Variants in SRPK2 observed in about 807,000 individuals in gnomAD.
SRPK2 encodes SRSF protein kinase 2.
SRPK2 carries 21 observed loss-of-function variants against 90.8 expected under a neutral mutation model. That is an observed-to-expected ratio of 0.23 (90% CI 0.16 to 0.33). The LOEUF is 0.33. Among genes scored for constraint, SRPK2 ranks in the 10% least tolerant of loss-of-function variants. The pLI, the probability that SRPK2 is intolerant of heterozygous loss-of-function variation, is 1.00. For synonymous variants in SRPK2, 288 were observed against 311.1 expected, an observed-to-expected ratio of 0.93 and a Z score of 0.78; for missense variants, 620 against 869.0, an observed-to-expected ratio of 0.71 and a Z score of 3.60.
chr7:105,198,242 GT>G (rs1489493775), intron 3 of SRPK2, among the ~76,000 whole-genome samples: 1 of 152,154 alleles, frequency 6.6e-6, no homozygotes, highest in African/African-American at 2.4e-5. Context: ...GGGGTTTACA[GT>G]GCAGCCTAGG....
intron 2 of SRPK2, among the ~76,000 whole-genome samples, chr7:105,312,643 C>T (rs558008468): frequency 6.6e-6 from 1 of 152,104 alleles, no homozygotes; most frequent in Non-Finnish European, 1.5e-5. Flanking sequence ...TAATAAAACC[C>T]AAACATTCCT....
intron 2 of SRPK2, among the ~76,000 whole-genome samples, chr7:105,249,320 T>A (rs1189022718): frequency 6.6e-6 from 1 of 152,188 alleles, no homozygotes; most frequent in Non-Finnish European, 1.5e-5. Context: ...AAAGTGAGAA[T>A]AAAGCCATCT....
intron 6 of SRPK2, among the ~76,000 whole-genome samples, chr7:105,162,412 T>C (rs186368109): frequency 1.4e-4 from 22 of 152,298 alleles, no homozygotes; most frequent in Middle Eastern, 3.4e-3. Flanking sequence ...TCATTATATA[T>C]TCATGTCATT....
intron 2 of SRPK2, among the ~76,000 whole-genome samples, chr7:105,211,004 A>G (rs1429472611): frequency 1.3e-5 from 2 of 152,240 alleles, no homozygotes; most frequent in Non-Finnish European, 2.9e-5. Context: ...TCTGAAGCTC[A>G]GATGAGAGCT....
At chr7:105,185,899 C>A in intron 3 of SRPK2, among the ~76,000 whole-genome samples, 1 of 152,026 alleles carries the variant, frequency 6.6e-6, no homozygotes. Context: ...CCATGCCAGA[C>A]AAAAAGAGAA....
chr7:105,169,015 G>T, intron 4 of SRPK2, 142 bp downstream of exon 4: 2 of 498,214 alleles, frequency 4.0e-6, no homozygotes, highest in Non-Finnish European at 6.9e-6. Flanking sequence ...GGGCAGGAAG[G>T]AATCTAGCCA....
intron 2 of SRPK2, among the ~76,000 whole-genome samples, chr7:105,285,096 A>C (rs1807881092): frequency 6.6e-6 from 1 of 152,182 alleles, no homozygotes; most frequent in Non-Finnish European, 1.5e-5. Flanking sequence ...ACACTGAAAC[A>C]GTATTTTGGC....
chr7:105,152,253 A>G (rs188607580), intron 7 of SRPK2, among the ~76,000 whole-genome samples: 7 of 152,006 alleles, frequency 4.6e-5, no homozygotes, highest in African/African-American at 9.6e-5. Flanking sequence ...GGGTTCAAGC[A>G]ATTCTCCTGC....
At chr7:105,378,776 AATG>A (rs1203198887) in intron 2 of SRPK2, among the ~76,000 whole-genome samples, 1 of 151,922 alleles carries the variant, frequency 6.6e-6, no homozygotes, top group Non-Finnish European at 1.5e-5. Flanking sequence ...AAAAAAAAAA[AATG>A]ATGTTTAACA....
chr7:105,279,200 G>A (rs1806932632), intron 2 of SRPK2, among the ~76,000 whole-genome samples: 1 of 152,006 alleles, frequency 6.6e-6, no homozygotes, highest in Non-Finnish European at 1.5e-5. Flanking sequence ...GTGCCAGAGG[G>A]CGGGCGGCGG....
At chr7:105,170,745 G>GAGGGAGGA (rs1554435222) in intron 3 of SRPK2, among the ~76,000 whole-genome samples, 3 of 45,602 alleles carry the variant, frequency 6.6e-5, no homozygotes, top group African/African-American at 3.5e-4. Context: ...GGAAGAAAGG[G>GAGGGAGGA]AGGAAGGAAG....
upstream of SRPK2, chr7:105,388,986 C>T: frequency 9.6e-7 from 1 of 1,045,690 alleles, no homozygotes; most frequent in Non-Finnish European, 1.1e-6. Flanking sequence ...CCGGCCCCGC[C>T]CCCGCCCCGC....
upstream of SRPK2, among the ~76,000 whole-genome samples, chr7:105,394,293 C>T (rs1451005170): frequency 2.0e-5 from 3 of 152,126 alleles, no homozygotes; most frequent in Non-Finnish European, 4.4e-5. Context: ...CAGGTGCACA[C>T]CACCATGCCC....
Position 105,147,938 on chromosome 7 carries a change from G to A in SRPK2, c.622-1280C>T, listed in dbSNP as rs144007728. On this transcript the variant is annotated intron_variant, in intron 7 of 15. Transcript: ENST00000393651. ...GAACATTTGGGTTATTTTCACTTTA[G>A]GGGCTATAAAAATAATACTGCTATT... Among the ~76,000 whole-genome samples the A allele has an allele frequency of 3.6e-3, 550 of 152,214 alleles. 3 individuals are homozygous for A. The highest frequency in any genetic ancestry group is 5.4e-3 in the Non-Finnish European group (368 of 67,996).
At chr7:105,385,853 AGAGT>A (rs1821520171) in intron 2 of SRPK2, among the ~76,000 whole-genome samples, 1 of 152,250 alleles carries the variant, frequency 6.6e-6, no homozygotes, top group Non-Finnish European at 1.5e-5. Flanking sequence ...AACAATCGAC[AGAGT>A]GACTGGCACA....
rs530923100 is a variant in SRPK2, at chr7:105,269,156, A to G, written c.72-65371T>C. ...GGTAGAACTAGCATGGTTCTACAAG[A>G]TGATTTTCAATTTAGCAAAATAAAA... is the stretch of plus-strand genomic sequence containing the variant. On this transcript the variant is annotated intron_variant, in intron 2 of 15. Coordinates refer to ENST00000393651, the MANE Select transcript of SRPK2 (RefSeq NM_182692.3). 9 of 967,996 alleles carry G rather than the reference A, an allele frequency of 9.3e-6. No homozygotes were observed. In the South Asian group the frequency reaches 2.8e-4, roughly 31 times the overall value. 60.0% of individuals were successfully genotyped at this position (967,996 alleles called of 1,614,324 possible).
chr7:105,309,235 GA>G (rs796989623), intron 2 of SRPK2, among the ~76,000 whole-genome samples: 2,588 of 121,184 alleles, frequency 0.021, 58 homozygotes, highest in African/African-American at 0.064. Flanking sequence ...AAGGTTACAA[GA>G]AAAAAAAAAA....
intron 11 of SRPK2, among the ~76,000 whole-genome samples, chr7:105,134,905 T>G (rs774621232): frequency 6.6e-6 from 1 of 152,170 alleles, no homozygotes; most frequent in African/African-American, 2.4e-5. Context: ...TTATAAGGAT[T>G]CTGCACAGCC....
upstream of SRPK2, among the ~76,000 whole-genome samples, chr7:105,391,162 C>T (rs959631650): frequency 6.6e-6 from 1 of 151,866 alleles, no homozygotes; most frequent in African/African-American, 2.4e-5. Context: ...TACTACTTCA[C>T]ACCTACTAGG....
Sources: allele counts gnomAD v4.1 joint callset (sites outside exome capture counted in the v4.1 genomes callset), GRCh38; gene constraint gnomAD v4.1.1; transcripts MANE v1.5; gene names NCBI Gene and HGNC (gene_info 2026-07-23, HGNC 2026-07-21).